Variants in ZRANB3 observed in about 807,000 individuals in gnomAD.
The protein encoded by ZRANB3 is DNA annealing helicase and endonuclease ZRANB3.
ZRANB3 carries 125 observed loss-of-function variants against 133.8 expected under a neutral mutation model. The observed-to-expected ratio is 0.93, with a 90% confidence interval of 0.81 to 1.08. The LOEUF (loss-of-function observed/expected upper bound fraction) is 1.08. Among genes scored for constraint, ZRANB3 ranks in the 50% least tolerant of loss-of-function variants. The pLI is 0.00. For missense variants in ZRANB3, 1,229 were observed against 1,275.5 expected (o/e 0.96, Z 0.56); for synonymous variants, 387 against 432.7 (o/e 0.89, Z 1.31).
intron 2 of ZRANB3, among the ~76,000 whole-genome samples, chr2:135,430,014 T>A (rs1371314947): frequency 2.0e-5 from 3 of 151,758 alleles, no homozygotes; most frequent in Non-Finnish European, 4.4e-5. Context: ...CTACAAAAAA[T>A]TCTTAAAATT....
rs1275823401 is a variant in ZRANB3 at position 135,296,309 on chromosome 2, T to G, written c.966+17180A>C. 3.3e-5 allele frequency among the ~76,000 whole-genome samples: 5 copies of G among 152,306 alleles called. No individual in the cohort carries two copies. In the East Asian group the frequency reaches 9.6e-4, roughly 29 times the overall value. ...TTCTTTTTTCTCTAAACTTTTCTTC[T>G]TGCTTCATTTCATTCATTTGATCTT... On this transcript the variant is annotated intron_variant, in intron 8 of 20. Coordinates refer to ENST00000264159, the MANE Select transcript of ZRANB3 (RefSeq NM_032143.4).
intron 2 of ZRANB3, among the ~76,000 whole-genome samples, chr2:135,470,521 A>C (rs1691208958): frequency 1.3e-5 from 2 of 151,700 alleles, no homozygotes; most frequent in Admixed American, 1.3e-4. Context: ...TCCCATCTCT[A>C]CTAAAAAATA....
chr2:135,219,042 G>A, intron 16 of ZRANB3, 35 bp downstream of exon 16: 1 of 1,268,468 alleles, frequency 7.9e-7, no homozygotes. Context: ...TTTATTTAAA[G>A]TAAATAAAGC....
chr2:135,269,673 C>T (rs1291776953), intron 10 of ZRANB3, among the ~76,000 whole-genome samples: 1 of 152,148 alleles, frequency 6.6e-6, no homozygotes, highest in Non-Finnish European at 1.5e-5. Flanking sequence ...ATTTTCTGTA[C>T]AACTGCATTT....
intron 3 of ZRANB3, among the ~76,000 whole-genome samples, chr2:135,377,650 A>C (rs1181795999): frequency 6.6e-6 from 1 of 152,260 alleles, no homozygotes; most frequent in African/African-American, 2.4e-5. Flanking sequence ...CTCAAAGTAT[A>C]CAATTAATAT....
At chr2:135,480,029 G>A (rs1320255351) in intron 2 of ZRANB3, among the ~76,000 whole-genome samples, 3 of 151,632 alleles carry the variant, frequency 2.0e-5, no homozygotes, top group African/African-American at 7.3e-5. Context: ...CGCCTCCTGG[G>A]TTCACGCCAT....
intron 12 of ZRANB3, among the ~76,000 whole-genome samples, chr2:135,236,896 T>C (rs1695312013): frequency 6.6e-6 from 1 of 152,152 alleles, no homozygotes; most frequent in East Asian, 1.9e-4. Flanking sequence ...ACTTCATGTC[T>C]AAAACACCAA....
chr2:135,239,705 C>A (rs4954230), intron 12 of ZRANB3, among the ~76,000 whole-genome samples: 16,715 of 152,086 alleles, frequency 0.11, 1,174 homozygotes, highest in South Asian at 0.32. Context: ...AAAGAAAGAG[C>A]GGGCCAGGCA....
intron 2 of ZRANB3, among the ~76,000 whole-genome samples, chr2:135,480,643 T>C (rs1034231937): frequency 3.3e-5 from 5 of 152,058 alleles, no homozygotes; most frequent in South Asian, 2.1e-4. Flanking sequence ...CTTTAAGTTT[T>C]AGGGTACATG....
Position 135,313,473 on chromosome 2 carries a change from G to A in ZRANB3, c.966+16C>T. On this transcript the variant is annotated intron_variant, in intron 8 of 20. Transcript: ENST00000264159. ...TTTGTATGAAGACAAATACATGATG[G>A]CCCAGCAAAGAGTACCTTGGCAATA... 1.3e-6 allele frequency: 2 copies of A among 1,518,190 alleles called. No individual in the cohort carries two copies. The highest frequency in any genetic ancestry group is 9.1e-7 in the Non-Finnish European group (1 of 1,098,586). The allele number at this position is 1,518,190 out of a possible 1,614,324, so 94.0% of individuals were successfully genotyped here.
chr2:135,382,801 G>C (rs1686779486), intron 3 of ZRANB3, among the ~76,000 whole-genome samples: 1 of 152,160 alleles, frequency 6.6e-6, no homozygotes, highest in African/African-American at 2.4e-5. Flanking sequence ...GAGAGATTTT[G>C]TCACCACCAG....
intron 12 of ZRANB3, 123 bp downstream of exon 12, chr2:135,265,411 C>T: frequency 1.8e-6 from 2 of 1,132,672 alleles, no homozygotes; most frequent in Non-Finnish European, 2.4e-6. Flanking sequence ...GGGTTTCCAG[C>T]TTTATGTGAA....
intron 8 of ZRANB3, among the ~76,000 whole-genome samples, chr2:135,279,019 G>A (rs749199678): frequency 2.6e-5 from 4 of 151,804 alleles, no homozygotes; most frequent in Non-Finnish European, 5.9e-5. Flanking sequence ...AAATTACAAA[G>A]CAAATAGTAA....
intron 2 of ZRANB3, among the ~76,000 whole-genome samples, chr2:135,429,863 T>C (rs988510043): frequency 1.3e-5 from 2 of 152,158 alleles, no homozygotes; most frequent in African/African-American, 4.8e-5. Flanking sequence ...AAGTTGATAA[T>C]GAAATGAAGA....
intron 1 of ZRANB3, among the ~76,000 whole-genome samples, chr2:135,516,252 C>T (rs1303199704): frequency 6.6e-6 from 1 of 151,996 alleles, no homozygotes; most frequent in African/African-American, 2.4e-5. Flanking sequence ...CAGTCTGTGT[C>T]TTTCAATTGG....
At position 135,248,917 on chromosome 2, in the gene ZRANB3, C is replaced by T. The variant is rs367960053; in HGVS notation, c.1539+16617G>A. 1.1e-4 allele frequency among the ~76,000 whole-genome samples: 16 copies of T among 151,566 alleles called. No homozygotes were observed. In the South Asian group the frequency reaches 3.3e-3, roughly 32 times the overall value. On this transcript the variant is annotated intron_variant, in intron 12 of 20. Transcript: ENST00000264159. ...CAAGACTCTGTCTCAACAACAACAA[C>T]AACAAAAAAAAGTAGGCAAAGGAAA...
At chr2:135,236,938 A>T (rs2105077138) in intron 12 of ZRANB3, among the ~76,000 whole-genome samples, 1 of 152,306 alleles carries the variant, frequency 6.6e-6, no homozygotes, top group African/African-American at 2.4e-5. Context: ...AAATTGATAA[A>T]TGGGATCTAA....
intron 12 of ZRANB3, among the ~76,000 whole-genome samples, chr2:135,240,996 T>C (rs1362422931): frequency 6.6e-6 from 1 of 152,210 alleles, no homozygotes; most frequent in African/African-American, 2.4e-5. Context: ...GGAACTTTTA[T>C]TTTTGGTGTT....
chr2:135,275,870 C>CTACCTAGAGAACAA, intron 8 of ZRANB3, 115 bp from the exon 9 acceptor site: 1 of 787,106 alleles, frequency 1.3e-6, no homozygotes, highest in Non-Finnish European at 1.8e-6. Context: ...GAACTTTTAG[C>CTACCTAGAGAACAA]TGCATTGTTC....
Sources: allele counts gnomAD v4.1 joint callset (sites outside exome capture counted in the v4.1 genomes callset), GRCh38; gene constraint gnomAD v4.1.1; transcripts MANE v1.5; gene names NCBI Gene and HGNC (gene_info 2026-07-23, HGNC 2026-07-21).